ITGAV: variants seen among roughly 807,000 people sequenced by gnomAD.
ITGAV encodes integrin alpha-V.
Under a neutral mutation model 143.8 loss-of-function variants are expected in ITGAV, and 76 were observed. That is an observed-to-expected ratio of 0.53 (90% confidence interval 0.44 to 0.64). ITGAV has a LOEUF of 0.64. ITGAV is among the 30% of genes least tolerant of loss of function. The pLI, the probability that ITGAV is intolerant of heterozygous loss-of-function variation, is 0.00. For missense variants in ITGAV, 1,193 were observed against 1,274.7 expected (o/e 0.94, Z 0.98); for synonymous variants, 453 against 446.7 (o/e 1.01, Z -0.18).
chr2:186,658,466 A>T (rs530972621), intron 17 of ITGAV, among the ~76,000 whole-genome samples: 1 of 152,182 alleles, frequency 6.6e-6, no homozygotes, highest in Non-Finnish European at 1.5e-5. Flanking sequence ...ACTTGTCACT[A>T]TATATAAGAA....
intron 2 of ITGAV, among the ~76,000 whole-genome samples, chr2:186,614,185 G>C (rs934539769): frequency 6.6e-6 from 1 of 152,040 alleles, no homozygotes; most frequent in African/African-American, 2.4e-5. Context: ...AATAATGCAT[G>C]TCCATTGATG....
chr2:186,655,814 C>G (rs915276930), intron 16 of ITGAV, among the ~76,000 whole-genome samples: 4 of 152,174 alleles, frequency 2.6e-5, no homozygotes, highest in Non-Finnish European at 5.9e-5. Context: ...ACTGTTCATT[C>G]ATCATAGTGT....
chr2:186,634,169 G>A (rs1687893452), intron 6 of ITGAV, among the ~76,000 whole-genome samples: 1 of 152,076 alleles, frequency 6.6e-6, no homozygotes, highest in African/African-American at 2.4e-5. Context: ...TTGAACATAT[G>A]TACAATAGAT....
Position 186,657,692 on chromosome 2 carries a change from A to G in ITGAV, c.1719+1291A>G, listed in dbSNP as rs78654738. ...ATTAAGAATTGAGATGGGACATTAC[A>G]GATAAGGGAGGAATTAACAGAATAT... is the stretch of plus-strand genomic sequence containing the variant. On this transcript the variant is annotated intron_variant, in intron 17 of 29. Transcript: ENST00000261023. Among the ~76,000 whole-genome samples the G allele has an allele frequency of 3.3e-5, 5 of 152,322 alleles. No homozygotes were observed. The East Asian group carries it at 9.6e-4, about 29-fold the overall frequency.
chr2:186,675,209 G>T (rs890093768), intron 26 of ITGAV, among the ~76,000 whole-genome samples: 1 of 152,110 alleles, frequency 6.6e-6, no homozygotes, highest in Admixed American at 6.5e-5. Context: ...TAAAAATTCT[G>T]TTTTCTTTTC....
chr2:186,641,765 A>G (rs1688110338), intron 12 of ITGAV, 177 bp downstream of exon 12: 1 of 591,136 alleles, frequency 1.7e-6, no homozygotes, highest in African/African-American at 1.9e-5. Flanking sequence ...TTTAAAAATC[A>G]GAGCAAAGAT....
intron 4 of ITGAV, among the ~76,000 whole-genome samples, chr2:186,626,195 C>T (rs1687671655): frequency 6.6e-6 from 1 of 151,990 alleles, no homozygotes; most frequent in Non-Finnish European, 1.5e-5. Flanking sequence ...TTTTGGTGAT[C>T]CAGAGGATTT....
Position 186,677,337 on chromosome 2 carries a change from C to A in ITGAV, c.*45C>A, listed in dbSNP as rs749775762. 2.1e-6 allele frequency: 3 copies of A among 1,405,310 alleles called. No homozygotes were observed. The highest frequency in any genetic ancestry group is 2.0e-6 in the Non-Finnish European group (2 of 1,002,142). The allele number at this position is 1,405,310 out of a possible 1,614,324, so 87.1% of individuals were successfully genotyped here. ...CTACATCTTGACCCACTAGAATTAG[C>A]AACTTTATTATAGATTTAAACTTTC... On this transcript the variant is annotated 3_prime_UTR_variant, in exon 30 of 30. Transcript: ENST00000261023.
At chr2:186,622,565 T>G in intron 3 of ITGAV, 135 bp downstream of exon 3, 3 of 618,524 alleles carry the variant, frequency 4.9e-6, no homozygotes, top group Non-Finnish European at 5.8e-6. Flanking sequence ...AAGATAGCTC[T>G]GATCAAAGGC....
intron 21 of ITGAV, among the ~76,000 whole-genome samples, chr2:186,665,789 T>C (rs1040849004): frequency 2.0e-5 from 3 of 152,246 alleles, no homozygotes; most frequent in Non-Finnish European, 4.4e-5. Flanking sequence ...TGTGACTTTT[T>C]CAATAGAATT....
chr2:186,652,970 G>A (rs1368359092), intron 15 of ITGAV, among the ~76,000 whole-genome samples: 18 of 112,316 alleles, frequency 1.6e-4, no homozygotes, highest in Non-Finnish European at 2.1e-4. Flanking sequence ...ACGGAGTCTC[G>A]CTCTGTCGCC....
chr2:186,669,911 C>T, intron 26 of ITGAV, 97 bp downstream of exon 26: 3 of 770,992 alleles, frequency 3.9e-6, no homozygotes, highest in Non-Finnish European at 6.6e-6. Flanking sequence ...AACAGCTGTG[C>T]TTGAACAACT....
intron 4 of ITGAV, 108 bp downstream of exon 4, chr2:186,625,695 A>G: frequency 4.0e-6 from 2 of 498,952 alleles, no homozygotes; most frequent in Non-Finnish European, 7.0e-6. Flanking sequence ...GAGAGATATT[A>G]AAAGATATAG....
At chr2:186,600,152 T>C (rs1261961316) in intron 1 of ITGAV, 1 of 555,672 alleles carries the variant, frequency 1.8e-6, no homozygotes. Flanking sequence ...GCCAGGCTCC[T>C]TGACCTTATC....
chr2:186,610,057 C>G (rs1190075021), intron 2 of ITGAV, among the ~76,000 whole-genome samples: 1 of 152,058 alleles, frequency 6.6e-6, no homozygotes, highest in Admixed American at 6.6e-5. Context: ...ATGAACATTG[C>G]AGATGAACTA....
At chr2:186,632,089 AG>A (rs1687828484) in intron 5 of ITGAV, among the ~76,000 whole-genome samples, 1 of 152,066 alleles carries the variant, frequency 6.6e-6, no homozygotes, top group Admixed American at 6.6e-5. Flanking sequence ...TTTCTAGACT[AG>A]GTACTGATAA....
chr2:186,664,592 T>A lies in ITGAV; in HGVS notation c.2024T>A (p.Val675Asp). The change falls in exon 20 of 30, where the codon GTT becomes GAT. Residue 675 changes from valine to aspartate, a missense_variant. By Grantham distance (152) the Val-to-Asp change is radical. Transcript: ENST00000261023. ...GGTGCCTACGAAGCTGAGCTCATCG[T>A]TTCCATTCCACTGCAGGCTGATTTC... ...GEGAYEAELI[V>D]SIPLQADFIG... 1 of 1,614,060 alleles carries A rather than the reference T, an allele frequency of 6.2e-7. No individual in the cohort carries two copies. The highest frequency in any genetic ancestry group is 8.5e-7 in the Non-Finnish European group (1 of 1,179,970).
intron 2 of ITGAV, among the ~76,000 whole-genome samples, chr2:186,613,484 T>C (rs1287232336): frequency 6.6e-6 from 1 of 152,222 alleles, no homozygotes; most frequent in Non-Finnish European, 1.5e-5. Flanking sequence ...CAGCTGTATC[T>C]TATTTTATGT....
intron 12 of ITGAV, 77 bp from the exon 13 acceptor site, chr2:186,646,609 C>T: frequency 3.7e-6 from 4 of 1,080,838 alleles, no homozygotes; most frequent in Admixed American, 2.3e-5. Context: ...TCTCTCGTTC[C>T]TTCCTCATTC....
Sources: gnomAD v4.1 joint callset for allele counts (sites outside exome capture counted in the v4.1 genomes callset) on GRCh38, gnomAD v4.1.1 for gene constraint, MANE v1.5 for transcripts, NCBI Gene and HGNC (gene_info 2026-07-23, HGNC 2026-07-21) for gene names.